AOX1: variants seen among roughly 807,000 people sequenced by gnomAD.
The protein encoded by AOX1 is aldehyde oxidase 1.
In AOX1, 153 loss-of-function variants were observed where a neutral mutation model predicts 169.5. That is an observed-to-expected ratio of 0.90 (90% CI 0.79 to 1.03). The LOEUF is 1.03. Among genes scored for constraint, AOX1 ranks in the 50% least tolerant of loss-of-function variants. The probability of loss-of-function intolerance (pLI) is 0.00; values close to 1 mark genes in which losing one functional copy is unlikely to be tolerated. For synonymous variants in AOX1, 562 were observed against 581.9 expected (o/e 0.97, Z 0.49); for missense variants, 1,656 against 1,663.9 (o/e 1.00, Z 0.08).
chr2:200,605,666 A>G lies in AOX1; in HGVS notation c.907+38A>G, dbSNP rs374138035. The G allele has an allele frequency of 1.2e-5, 13 of 1,049,200 alleles. No individual in the cohort carries two copies. The African/African-American group carries it at 2.0e-4, about 16-fold the overall frequency. 65.0% of individuals were successfully genotyped at this position (1,049,200 alleles called of 1,614,324 possible). On this transcript the variant is annotated intron_variant, in intron 10 of 34. Transcript: ENST00000374700. ...GTCCCTGTTTTCTTAGTTAAGATGCATTAATCAATTTATTTACCTTGCCCA... is the reference window on the plus strand; with the variant it reads ...GTCCCTGTTTTCTTAGTTAAGATGCGTTAATCAATTTATTTACCTTGCCCA...
At chr2:200,655,511 A>G (rs1010754123) in intron 26 of AOX1, among the ~76,000 whole-genome samples, 3 of 152,194 alleles carry the variant, frequency 2.0e-5, no homozygotes, top group African/African-American at 7.2e-5. Context: ...TGTCATTATC[A>G]TGGCTACTAT....
At chr2:200,618,585 C>G (rs2034817542) in intron 16 of AOX1, among the ~76,000 whole-genome samples, 2 of 152,186 alleles carry the variant, frequency 1.3e-5, no homozygotes, top group Admixed American at 6.5e-5. Context: ...ACACATGCCA[C>G]TCTGCCGTTC....
At chr2:200,600,705 C>T (rs932116324) in intron 5 of AOX1, among the ~76,000 whole-genome samples, 2 of 152,232 alleles carry the variant, frequency 1.3e-5, no homozygotes, top group East Asian at 3.9e-4. Context: ...GGAGAGACAT[C>T]GCTCATAAAC....
At position 200,627,463 on chromosome 2, in the gene AOX1, G is replaced by A; in HGVS notation, c.2221+14G>A. On this transcript the variant is annotated intron_variant, in intron 20 of 34. Transcript: ENST00000374700. ...AAATTCTTGAAGGTAAAAAGTAATG[G>A]AAGAGTAAACAACCCTGGAAGTCTT... The A allele has an allele frequency of 1.3e-6, 2 of 1,576,610 alleles. No homozygotes were observed. Among genetic ancestry groups the A allele is most frequent in the Non-Finnish European group, 1.7e-6 (2 of 1,146,252 alleles).
intron 30 of AOX1, among the ~76,000 whole-genome samples, 200 bp from the exon 31 acceptor site, chr2:200,662,655 A>G (rs1263448438): frequency 6.6e-6 from 1 of 152,238 alleles, no homozygotes; most frequent in African/African-American, 2.4e-5. Flanking sequence ...AGATGTTTTT[A>G]TCAGACAAAG....
At position 200,636,949 on chromosome 2, in the gene AOX1, G is replaced by C; in HGVS notation, c.2385G>C (p.Lys795Asn). Residue 795 changes from lysine (K) to asparagine (N), a missense_variant, in exon 22 of 35, where the codon AAG (lysine) becomes AAC (asparagine). Lys to Asn is a moderately conservative substitution (Grantham distance 94). Transcript: ENST00000374700. ...VASTLKLPANKVMCHVRRVGG... is the reference protein window; with the variant it reads ...VASTLKLPANNVMCHVRRVGG... ...CAACCTTGAAGCTCCCAGCTAACAA[G>C]GTCATGTGCCATGTAAGGCGTGTTG... 1 of 1,614,104 alleles carries C rather than the reference G, an allele frequency of 6.2e-7. No homozygotes were observed. The highest frequency in any genetic ancestry group is 8.5e-7 in the Non-Finnish European group (1 of 1,179,978).
chr2:200,621,115 T>C lies in AOX1; in HGVS notation c.1875-5T>C. The C allele has an allele frequency of 6.2e-7, 1 of 1,612,118 alleles. No homozygotes were observed. Among genetic ancestry groups the C allele is most frequent in the Non-Finnish European group, 8.5e-7 (1 of 1,179,544 alleles). On this transcript the variant is annotated splice_polypyrimidine_tract_variant and splice_region_variant and intron_variant, in intron 17 of 34. Transcript: ENST00000374700. ...CTAAGGAGCTCTGCTGTGTATATCATCTAGGTCTATTGATCTGTCAGAAGC... is the reference window on the plus strand; with the variant it reads ...CTAAGGAGCTCTGCTGTGTATATCACCTAGGTCTATTGATCTGTCAGAAGC...
intron 15 of AOX1, 141 bp downstream of exon 15, chr2:200,614,107 C>T: frequency 1.3e-6 from 1 of 779,132 alleles, no homozygotes. Flanking sequence ...GCTGAACATC[C>T]CTCAGCCTGT....
rs1381452176 is a variant in AOX1, at chr2:200,663,053, G to GT, written c.3543+85dup. 8.7e-6 allele frequency: 9 copies of GT among 1,032,962 alleles called. No homozygotes were observed. In the Admixed American group the frequency reaches 1.7e-4, roughly 19 times the overall value. The allele number at this position is 1,032,962 out of a possible 1,614,324, so 64.0% of individuals were successfully genotyped here. On this transcript the variant is annotated intron_variant, in intron 31 of 34. Transcript: ENST00000374700. ...ATGCCATCTATCTGAGGAGAGCTTA[G>GT]TGAGTGGCAGCATCGTGCATTTGGC...
chr2:200,626,701 C>G (rs893346086), intron 19 of AOX1, among the ~76,000 whole-genome samples: 8 of 152,270 alleles, frequency 5.3e-5, no homozygotes, highest in Middle Eastern at 3.4e-3. Context: ...GCTCTACTGC[C>G]CTGTGCAAAT....
At chr2:200,657,190 A>ATATATATATATATATATTTTTTTT in intron 27 of AOX1, among the ~76,000 whole-genome samples, 29 of 62,868 alleles carry the variant, frequency 4.6e-4, no homozygotes, top group Non-Finnish European at 6.8e-4. Context: ...ATATATATAT[A>ATATATATATATATATATTTTTTTT]TTTTTTTTTT....
intron 34 of AOX1, among the ~76,000 whole-genome samples, chr2:200,670,335 T>G (rs2036003213): frequency 6.6e-6 from 1 of 152,194 alleles, no homozygotes. Context: ...ACACTGGCTC[T>G]TTGTGGTATC....
chr2:200,630,210 TAAAAAAAAAAAAAA>T (rs57410809), intron 20 of AOX1, among the ~76,000 whole-genome samples: 3,138 of 95,542 alleles, frequency 0.033, 71 homozygotes, highest in Non-Finnish European at 0.047. Flanking sequence ...TCCTTCTATT[TAAAAAAAAAAAAAA>T]AAAAAAAAAA....
intron 27 of AOX1, 76 bp from the exon 28 acceptor site, chr2:200,659,089 G>GTCACACATATCACACA: frequency 2.8e-6 from 4 of 1,445,136 alleles, no homozygotes; most frequent in Non-Finnish European, 3.8e-6. Context: ...TATCACACAT[G>GTCACACATATCACACA]TGTTACCACG....
At position 200,599,761 on chromosome 2, in the gene AOX1, C is replaced by T; in HGVS notation, c.436+15C>T. 6.8e-7 allele frequency: 1 copy of T among 1,474,882 alleles called. No individual in the cohort carries two copies. The highest frequency in any genetic ancestry group is 9.0e-7 in the Non-Finnish European group (1 of 1,113,458). 91.4% of individuals were successfully genotyped at this position (1,474,882 alleles called of 1,614,324 possible). Reference sequence around the variant, plus strand: ...TGCCCTTGGTGGTAGGTTATATATGCATGCTTTTATTTTTTAATTTTTATT... The same window carrying T: ...TGCCCTTGGTGGTAGGTTATATATGTATGCTTTTATTTTTTAATTTTTATT... On this transcript the variant is annotated intron_variant, in intron 5 of 34. Coordinates refer to ENST00000374700, the MANE Select transcript of AOX1 (RefSeq NM_001159.4).
At chr2:200,625,199 C>T (rs1466257427) in intron 19 of AOX1, among the ~76,000 whole-genome samples, 1 of 152,198 alleles carries the variant, frequency 6.6e-6, no homozygotes, top group East Asian at 1.9e-4. Flanking sequence ...GTTCCCTTCT[C>T]AGGCCCTTTT....
At chr2:200,680,285 A>G (rs2036141003), downstream of AOX1, among the ~76,000 whole-genome samples, 1 of 152,156 alleles carries the variant, frequency 6.6e-6, no homozygotes. Context: ...AATAAGAAGA[A>G]AAAATGACAA....
chr2:200,670,518 A>G (rs1301074437), intron 34 of AOX1, 111 bp from the exon 35 acceptor site: 1 of 826,464 alleles, frequency 1.2e-6, no homozygotes, highest in Admixed American at 1.8e-5. Flanking sequence ...CTGACCTGTC[A>G]TGGCCCTGGT....
chr2:200,651,221 A>G lies in AOX1; in HGVS notation c.3075+20A>G. ...GGTCAGGTGAGTTCTCCAAATGCAC[A>G]TGAGGATGCTGCCTGGAAGCAGCCC... On this transcript the variant is annotated intron_variant, in intron 26 of 34. Transcript: ENST00000374700. 1.2e-6 allele frequency: 2 copies of G among 1,605,236 alleles called. No homozygotes were observed. Among genetic ancestry groups the G allele is most frequent in the South Asian group, 1.1e-5 (1 of 90,884 alleles).
Sources: gnomAD v4.1 joint callset for allele counts (sites outside exome capture counted in the v4.1 genomes callset) on GRCh38, gnomAD v4.1.1 for gene constraint, MANE v1.5 for transcripts, NCBI Gene and HGNC (gene_info 2026-07-23, HGNC 2026-07-21) for gene names.